The following NTRK1 variants were observed in gnomAD, a reference collection of about 807,000 sequenced individuals.
NTRK1 encodes neurotrophic receptor tyrosine kinase 1.
Under a neutral mutation model 86.8 loss-of-function variants are expected in NTRK1, and 62 were observed. The observed-to-expected ratio is 0.71, with a 90% CI of 0.58 to 0.88. The LOEUF is 0.88. Among genes scored for constraint, NTRK1 ranks in the 40% least tolerant of loss-of-function variants. The pLI is 0.00. For missense variants in NTRK1, 967 were observed against 1,078.4 expected, an observed-to-expected ratio of 0.90 and a Z score of 1.45; for synonymous variants, 469 against 456.6, an observed-to-expected ratio of 1.03 and a Z score of -0.35.
Position 156,868,532 on chromosome 1 carries a change from C to A in NTRK1, c.602C>A (p.Pro201His), listed in dbSNP as rs146201511. Residue 201 changes from proline (P) to histidine (H), a missense_variant, in exon 6 of 17, where the codon CCC becomes CAC. Physicochemically the swap from Pro to His is moderately conservative, Grantham distance 77. This residue lies in a region of NTRK1 where 330 missense variants were observed against 302.0 expected (regional missense o/e 1.09). Transcript: ENST00000524377. ...CGVPTLKVQV[P>H]NASVDVGDDV... ...GTGCCCACGCTGAAGGTCCAGGTGC[C>A]CAATGCCTCGGTGGATGTGGGGGAC... 8.9e-5 allele frequency: 138 copies of A among 1,559,254 alleles called. No homozygotes were observed. In the African/African-American group the frequency reaches 1.7e-3, roughly 19 times the overall value.
chr1:156,856,988 G>A (rs1241098165), upstream of NTRK1, among the ~76,000 whole-genome samples: 4 of 151,974 alleles, frequency 2.6e-5, no homozygotes, highest in Admixed American at 2.0e-4. Flanking sequence ...CCTTCCCACC[G>A]AGCCCTCCGG....
At chr1:156,844,800 G>A in intron 2 of NTRK1, 1 of 1,614,166 alleles carries the variant, frequency 6.2e-7, no homozygotes. Flanking sequence ...TGTTCTTGCT[G>A]GAGGCCTCCC....
At chr1:156,844,830 A>T in intron 2 of NTRK1, 1 of 1,613,926 alleles carries the variant, frequency 6.2e-7, no homozygotes, top group East Asian at 2.2e-5. Context: ...TTCCTGGAAT[A>T]CCATCAGCCT....
rs561132719 is a variant in NTRK1, at chr1:156,816,831, A to AC, written c.-64+996dup. On this transcript the variant is annotated intron_variant, in intron 1 of 16. Coordinates refer to the NTRK1 transcript ENST00000392302. Reference sequence around the variant, plus strand: ...CCCCGGGGGCAGGAAATGTCGCCTTACCCACAGCCTTAGTTCTGGCGAGGA... The same window carrying AC: ...CCCCGGGGGCAGGAAATGTCGCCTTACCCCACAGCCTTAGTTCTGGCGAGGA... 2.5e-3 allele frequency: 2,230 copies of AC among 894,274 alleles called. 6 individuals are homozygous for AC. The highest frequency in any genetic ancestry group is 3.3e-3 in the Non-Finnish European group (2,043 of 615,356). 55.4% of individuals were successfully genotyped at this position (894,274 alleles called of 1,614,324 possible). A position where few individuals can be genotyped will look rare whatever the true frequency, so the allele number is the denominator to read the frequency against.
At position 156,881,710 on chromosome 1, in the gene NTRK1, C is replaced by A. The variant is rs2102931973; in HGVS notation, c.*68C>A. On this transcript the variant is annotated 3_prime_UTR_variant, in exon 17 of 17. Transcript: ENST00000524377. The stretch of plus-strand genomic sequence containing the variant: ...GGCCTGCCCTCAGCATCCCCCATAG[C>A]TCCCAGCAGCCCCAGGGTGATCTCA... 6.9e-7 allele frequency: 1 copy of A among 1,448,800 alleles called. No individual in the cohort carries two copies. Among genetic ancestry groups the A allele is most frequent in the East Asian group, 2.5e-5 (1 of 40,782 alleles). The allele number at this position is 1,448,800 out of a possible 1,614,324, so 89.7% of individuals were successfully genotyped here. A position where few individuals can be genotyped will look rare whatever the true frequency, so the allele number is the denominator to read the frequency against.
intron 2 of NTRK1, chr1:156,842,591 C>T: frequency 2.0e-6 from 2 of 991,574 alleles, no homozygotes; most frequent in Non-Finnish European, 3.2e-6. Context: ...TGACCACAGT[C>T]TGACTCAGAC....
At chr1:156,841,051 A>C (rs1654760779) in intron 1 of NTRK1, 1 of 1,590,504 alleles carries the variant, frequency 6.3e-7, no homozygotes, top group South Asian at 1.1e-5. Context: ...AATGTGTGTG[A>C]AAGATGGGCG....
At chr1:156,843,428 A>T in intron 2 of NTRK1, 1 of 1,614,030 alleles carries the variant, frequency 6.2e-7, no homozygotes. Flanking sequence ...CAGACCTACT[A>T]TCAGAGGCGC....
intron 2 of NTRK1, chr1:156,846,606 C>T (rs1468061678): frequency 1.9e-6 from 3 of 1,614,210 alleles, no homozygotes; most frequent in Non-Finnish European, 2.5e-6. Flanking sequence ...ATGGCCCGCA[C>T]AAACACTGCG....
chr1:156,869,844 C>T (rs1431020743), intron 6 of NTRK1, among the ~76,000 whole-genome samples: 1 of 152,220 alleles, frequency 6.6e-6, no homozygotes, highest in East Asian at 1.9e-4. Flanking sequence ...GCTGTGCCCA[C>T]CCAAAAAGCT....
chr1:156,820,865 T>G (rs1018609958), intron 1 of NTRK1, among the ~76,000 whole-genome samples: 3 of 152,252 alleles, frequency 2.0e-5, no homozygotes, highest in Non-Finnish European at 4.4e-5. Flanking sequence ...ATCTGTAGAT[T>G]GCTTTGGGCA....
intron 12 of NTRK1, 76 bp from the exon 13 acceptor site, chr1:156,876,004 C>A (rs2102916691): frequency 6.2e-7 from 1 of 1,609,920 alleles, no homozygotes. Context: ...GCACACAGCC[C>A]TGCCAAGACA....
chr1:156,868,191 A>G lies in NTRK1; in HGVS notation c.516A>G (p.Glu172=), dbSNP rs267598082. 2.5e-6 allele frequency: 4 copies of G among 1,613,482 alleles called. No homozygotes were observed. Among genetic ancestry groups the G allele is most frequent in the Non-Finnish European group, 3.4e-6 (4 of 1,180,038 alleles). ...AGGAGGGACTGGGCGGAGTGCCTGA[A>G]CAGAAGCTGCAGTGTCATGGGCAAG... ...WEEEGLGGVP[E]QKLQCHGQGP... is the part of the protein sequence containing the mutation. Residue 172 remains glutamate (E), a synonymous_variant, in exon 5 of 17, where the codon GAA becomes GAG. Transcript: ENST00000524377.
intron 12 of NTRK1, 139 bp from the exon 13 acceptor site, chr1:156,875,941 T>TGCAG (rs1647875790): frequency 1.5e-6 from 2 of 1,336,766 alleles, no homozygotes; most frequent in Admixed American, 3.4e-5. Flanking sequence ...GCTGAAGGGG[T>TGCAG]GCAGGTTGAA....
chr1:156,818,009 T>C (rs1034577653), intron 1 of NTRK1, among the ~76,000 whole-genome samples: 1 of 152,192 alleles, frequency 6.6e-6, no homozygotes, highest in Non-Finnish European at 1.5e-5. Context: ...ATCCCATTTC[T>C]CTCTGAATTT....
chr1:156,848,993 A>G (rs776309719), intron 2 of NTRK1: 1 of 1,612,684 alleles, frequency 6.2e-7, no homozygotes, highest in Non-Finnish European at 8.5e-7. Flanking sequence ...CCAGCGTAGC[A>G]GGATGCGGTC....
intron 1 of NTRK1, among the ~76,000 whole-genome samples, chr1:156,823,599 A>G (rs1654243899): frequency 6.6e-6 from 1 of 152,174 alleles, no homozygotes; most frequent in South Asian, 2.1e-4. Flanking sequence ...CCCTCAAAAG[A>G]GGAAGGGGTC....
chr1:156,844,690 G>A (rs1234945958), intron 2 of NTRK1: 3 of 1,613,978 alleles, frequency 1.9e-6, no homozygotes, highest in Admixed American at 3.3e-5. Flanking sequence ...TGGGACGGGG[G>A]TCCCACGGGC....
At chr1:156,866,168 C>G (rs139748740) in intron 3 of NTRK1, among the ~76,000 whole-genome samples, 1 of 152,292 alleles carries the variant, frequency 6.6e-6, no homozygotes, top group East Asian at 1.9e-4. Context: ...TGTGGTGGTA[C>G]TTCTCCCACC....
Sources: allele counts gnomAD v4.1 joint callset (sites outside exome capture counted in the v4.1 genomes callset), GRCh38; gene constraint gnomAD v4.1.1; regional missense constraint gnomAD v4.1.1; transcripts MANE v1.5; gene names NCBI Gene and HGNC (gene_info 2026-07-23, HGNC 2026-07-21).